Variants in PLCZ1 observed in about 807,000 individuals in gnomAD.
The protein encoded by PLCZ1 is phospholipase C zeta 1, also known as 1-phosphatidylinositol 4,5-bisphosphate phosphodiesterase zeta-1.
A neutral mutation model predicts 76.8 loss-of-function variants in PLCZ1; 64 were observed. The observed-to-expected ratio is 0.83, with a 90% CI of 0.68 to 1.03. The LOEUF is 1.03. Among genes scored for constraint, PLCZ1 ranks in the 50% least tolerant of loss-of-function variants. The pLI, the probability that PLCZ1 is intolerant of heterozygous loss-of-function variation, is 0.00. For synonymous variants in PLCZ1, 248 were observed against 230.8 expected, an observed-to-expected ratio of 1.07 and a Z score of -0.68; for missense variants, 751 against 713.7, an observed-to-expected ratio of 1.05 and a Z score of -0.60.
At chr12:18,653,742 T>G in the PLCZ1 span, among the ~76,000 whole-genome samples, 85 of 152,158 alleles carry the variant, frequency 5.6e-4, no homozygotes, top group South Asian at 1.0e-3. Flanking sequence ...CACTCATTAT[T>G]AGAGTTTGGA....
chr12:18,677,678 G>A, the PLCZ1 span, among the ~76,000 whole-genome samples: 1 of 151,998 alleles, frequency 6.6e-6, no homozygotes, highest in Non-Finnish European at 1.5e-5. Context: ...CTCTTAAAAG[G>A]GAGAAAAGAC....
chr12:18,670,482 C>A, the PLCZ1 span, among the ~76,000 whole-genome samples: 1 of 152,116 alleles, frequency 6.6e-6, no homozygotes, highest in Admixed American at 6.5e-5. Context: ...TTCAACTACC[C>A]AAGATGCATT....
At chr12:18,658,210 T>G in the PLCZ1 span, among the ~76,000 whole-genome samples, 1 of 152,042 alleles carries the variant, frequency 6.6e-6, no homozygotes, top group African/African-American at 2.4e-5. Context: ...TACCACCAAG[T>G]ATATTAACAT....
chr12:18,655,753 A>G, the PLCZ1 span, among the ~76,000 whole-genome samples: 4 of 7,976 alleles, frequency 5.0e-4, 1 homozygote, highest in South Asian at 0.013. Flanking sequence ...TTATCATGAA[A>G]AAAAAAAAAA....
chr12:18,677,121 G>A, the PLCZ1 span, among the ~76,000 whole-genome samples: 2 of 152,090 alleles, frequency 1.3e-5, no homozygotes, highest in African/African-American at 2.4e-5. Context: ...ATGTAGAAAA[G>A]GGGAGTCTGT....
At chr12:18,650,583 T>C in the PLCZ1 span, among the ~76,000 whole-genome samples, 1 of 148,270 alleles carries the variant, frequency 6.7e-6, no homozygotes, top group Admixed American at 6.7e-5. Flanking sequence ...TTACTGAAAA[T>C]TTTGAGTGCT....
intron 6 of PLCZ1, 58 bp downstream of exon 6, chr12:18,712,784 A>C (rs1262090741): frequency 1.9e-6 from 3 of 1,582,642 alleles, no homozygotes; most frequent in Non-Finnish European, 2.6e-6. Flanking sequence ...TTTTGAAGCA[A>C]GTAAATTAGA....
At chr12:18,734,442 C>A (rs1404335574) in intron 3 of PLCZ1, among the ~76,000 whole-genome samples, 1 of 152,072 alleles carries the variant, frequency 6.6e-6, no homozygotes, top group Non-Finnish European at 1.5e-5. Flanking sequence ...CCTCTGCCTC[C>A]CAGGTTCAAG....
At chr12:18,719,778 T>C (rs1958331389) in intron 4 of PLCZ1, 146 bp from the exon 5 acceptor site, 3 of 483,386 alleles carry the variant, frequency 6.2e-6, no homozygotes, top group South Asian at 1.2e-4. Flanking sequence ...TATATTTATG[T>C]TGTTTGGAAA....
chr12:18,665,170 TA>T, the PLCZ1 span, among the ~76,000 whole-genome samples: 11 of 148,106 alleles, frequency 7.4e-5, no homozygotes, highest in African/African-American at 1.2e-4. Flanking sequence ...TAATAAAAAA[TA>T]AAAAAAAATT....
At chr12:18,736,393 AT>A in intron 2 of PLCZ1, 49 bp from the exon 3 acceptor site, 1 of 1,575,310 alleles carries the variant, frequency 6.3e-7, no homozygotes. Context: ...GTCATTGAAT[AT>A]TTAAAATTCC....
intron 10 of PLCZ1, among the ~76,000 whole-genome samples, chr12:18,696,796 T>A (rs1434961664): frequency 6.6e-6 from 1 of 152,108 alleles, no homozygotes. Flanking sequence ...CGACTTCCAA[T>A]CCCTTCACTC....
the PLCZ1 span, among the ~76,000 whole-genome samples, chr12:18,667,132 A>G: frequency 6.6e-6 from 1 of 152,216 alleles, no homozygotes; most frequent in Non-Finnish European, 1.5e-5. Flanking sequence ...ATTTCAGTAT[A>G]TTGAAAGGGG....
At chr12:18,719,934 C>T (rs969722417) in intron 4 of PLCZ1, among the ~76,000 whole-genome samples, 5 of 152,016 alleles carry the variant, frequency 3.3e-5, no homozygotes, top group African/African-American at 1.2e-4. Context: ...ACAAGCTACA[C>T]ATCTGGATGA....
chr12:18,726,337 G>A lies in PLCZ1; in HGVS notation c.136-2795C>T, dbSNP rs1002645412. Among the ~76,000 whole-genome samples the A allele has an allele frequency of 4.6e-5, 7 of 151,972 alleles. No individual in the cohort carries two copies. The South Asian group carries it at 6.2e-4, about 14-fold the overall frequency. On this transcript the variant is annotated intron_variant, in intron 3 of 14. Transcript: ENST00000266505. ...ATCATTTGTCTCCTGTTTAAAAAAC[G>A]TTCCTTAAGTGGTTATTCTTTGCAA... is the stretch of plus-strand genomic sequence containing the variant.
chr12:18,715,969 T>C (rs923415955), intron 5 of PLCZ1, among the ~76,000 whole-genome samples: 7 of 152,208 alleles, frequency 4.6e-5, no homozygotes, highest in African/African-American at 1.7e-4. Context: ...GGCCCGTGGA[T>C]ACTCTCTGGG....
At chr12:18,730,592 C>A (rs1335772431) in intron 3 of PLCZ1, among the ~76,000 whole-genome samples, 4 of 152,050 alleles carry the variant, frequency 2.6e-5, no homozygotes, top group Non-Finnish European at 4.4e-5. Context: ...ACTCCAGAAA[C>A]ACTTTGCTAA....
In PLCZ1 at chr12:18,712,959, C is replaced by T; in HGVS notation, c.597G>A (p.Leu199=). The change falls in exon 6 of 15, where the codon TTG becomes TTA. Residue 199 remains leucine (L), a synonymous_variant. Coordinates refer to ENST00000266505, the MANE Select transcript of PLCZ1 (RefSeq NM_033123.4). ...GTGCTCCATCCCAGCAGTCAATCTC[C>T]AAACAACGGCATCCTTTCACAAGGG... ...VSALVKGCRC[L]EIDCWDGAQN... 1 of 1,613,878 alleles carries T rather than the reference C, an allele frequency of 6.2e-7. No individual in the cohort carries two copies. Among genetic ancestry groups the T allele is most frequent in the Non-Finnish European group, 8.5e-7 (1 of 1,179,834 alleles).
chr12:18,714,819 T>A (rs990398340), intron 5 of PLCZ1: 2 of 152,042 alleles, frequency 1.3e-5, no homozygotes, highest in African/African-American at 4.8e-5. Flanking sequence ...CATTCTGCAA[T>A]GCACAGGACA....
Sources: allele counts gnomAD v4.1 joint callset (sites outside exome capture counted in the v4.1 genomes callset), GRCh38; gene constraint gnomAD v4.1.1; transcripts MANE v1.5; gene names NCBI Gene and HGNC (gene_info 2026-07-23, HGNC 2026-07-21).